The following PLCL2 variants were observed in gnomAD, a reference collection of about 807,000 sequenced individuals.
PLCL2 encodes the protein inactive phospholipase C-like protein 2.
Under a neutral mutation model 79.6 loss-of-function variants are expected in PLCL2, and 4 were observed. That is an observed-to-expected ratio of 0.05 (90% CI 0.02 to 0.11). The LOEUF (loss-of-function observed/expected upper bound fraction) is 0.11. Ranked by LOEUF, PLCL2 falls within the 10% of genes least tolerant of loss-of-function variation. PLCL2 has a pLI of 1.00. For missense variants in PLCL2, 895 were observed against 1,291.0 expected, an observed-to-expected ratio of 0.69 and a Z score of 4.70; for synonymous variants, 484 against 457.7, an observed-to-expected ratio of 1.06 and a Z score of -0.73.
rs1005791654 is a variant in PLCL2, at chr3:16,914,424, A to G, written c.327+29058A>G. On this transcript the variant is annotated intron_variant, in intron 1 of 5. Transcript: ENST00000615277. ...AAGTTTTCAAAAGATGTATTTCTCAAATTCATCTGTCATTAAAATTAGTAT... is the reference window on the plus strand; with the variant it reads ...AAGTTTTCAAAAGATGTATTTCTCAGATTCATCTGTCATTAAAATTAGTAT... 3.9e-5 allele frequency among the ~76,000 whole-genome samples: 6 copies of G among 152,152 alleles called. No individual in the cohort carries two copies. In the South Asian group the frequency reaches 1.2e-3, roughly 31 times the overall value.
At chr3:16,936,143 A>C (rs538146524) in intron 1 of PLCL2, among the ~76,000 whole-genome samples, 178 of 152,320 alleles carry the variant, frequency 1.2e-3, no homozygotes, top group African/African-American at 4.0e-3. Flanking sequence ...GACTTAAGGA[A>C]TCTTAGGAAA....
chr3:17,016,253 C>T (rs1163365322), intron 3 of PLCL2, among the ~76,000 whole-genome samples: 2 of 152,102 alleles, frequency 1.3e-5, no homozygotes, highest in Non-Finnish European at 2.9e-5. Context: ...TCTAGAAGTA[C>T]AAGTCAGAAG....
chr3:16,993,027 C>T (rs561860206), intron 1 of PLCL2, among the ~76,000 whole-genome samples: 9 of 152,274 alleles, frequency 5.9e-5, no homozygotes, highest in East Asian at 5.8e-4. Flanking sequence ...GTGAAGCCTA[C>T]GAGTTGAAAG....
At chr3:17,056,531 G>T (rs755912767) in intron 4 of PLCL2, among the ~76,000 whole-genome samples, 4 of 152,070 alleles carry the variant, frequency 2.6e-5, no homozygotes, top group Non-Finnish European at 5.9e-5. Context: ...ACAGTATTTG[G>T]AGATAAACTT....
rs1326828194 is a variant in PLCL2, at chr3:16,886,565, AC to A, written c.327+1200del. On this transcript the variant is annotated intron_variant, in intron 1 of 5. Transcript: ENST00000615277. This position sits in a 1 kb window ranked among gnomAD's most constrained non-coding sequence, Gnocchi z 4.2. ...ACTCTATGTAAGAGGCAATTGTGAAACTGCATTTCCCTTTGTCATCTGTTTG... is the reference window on the plus strand; with the variant it reads ...ACTCTATGTAAGAGGCAATTGTGAAATGCATTTCCCTTTGTCATCTGTTTG... Among the ~76,000 whole-genome samples the A allele has an allele frequency of 2.0e-5, 3 of 152,240 alleles. No homozygotes were observed. The highest frequency in any genetic ancestry group is 3.8e-4 in the East Asian group (2 of 5,204).
At chr3:16,953,774 T>A (rs1453682983) in intron 1 of PLCL2, among the ~76,000 whole-genome samples, 1 of 152,128 alleles carries the variant, frequency 6.6e-6, no homozygotes, top group Non-Finnish European at 1.5e-5. Flanking sequence ...GTTTTTTTTT[T>A]AATCAAACAT....
intron 1 of PLCL2, among the ~76,000 whole-genome samples, chr3:16,941,367 G>A (rs1697679549): frequency 6.6e-6 from 1 of 152,024 alleles, no homozygotes; most frequent in Admixed American, 6.6e-5. Context: ...TAGCCAGAGT[G>A]ATTTCTGGAA....
intron 1 of PLCL2, among the ~76,000 whole-genome samples, chr3:16,915,182 T>C (rs2124930478): frequency 6.6e-6 from 1 of 152,350 alleles, no homozygotes; most frequent in East Asian, 1.9e-4. Context: ...TAACATAAGC[T>C]GAGCAATGCA....
At chr3:16,996,844 A>C (rs1425964521) in intron 1 of PLCL2, among the ~76,000 whole-genome samples, 1 of 152,206 alleles carries the variant, frequency 6.6e-6, no homozygotes, top group East Asian at 1.9e-4. Flanking sequence ...TAAATATTAT[A>C]GATAAAACAG....
chr3:16,979,683 G>A (rs1366320400), intron 1 of PLCL2, among the ~76,000 whole-genome samples: 1 of 144,412 alleles, frequency 6.9e-6, no homozygotes, highest in African/African-American at 2.6e-5. Flanking sequence ...GGATCCCAAG[G>A]CAGAAGAATT....
chr3:16,987,229 T>C (rs1419472745), intron 1 of PLCL2, among the ~76,000 whole-genome samples: 2 of 152,138 alleles, frequency 1.3e-5, no homozygotes, highest in East Asian at 3.9e-4. Flanking sequence ...GTCTGTCAGG[T>C]GTTAATGACA....
chr3:16,889,903 C>T (rs989171555), intron 1 of PLCL2, among the ~76,000 whole-genome samples: 2 of 152,012 alleles, frequency 1.3e-5, no homozygotes, highest in South Asian at 4.1e-4. Flanking sequence ...ACAAAGATAC[C>T]GCATGCCCAG....
intron 3 of PLCL2, chr3:17,042,663 A>G (rs2064737273): frequency 6.2e-6 from 3 of 484,576 alleles, no homozygotes; most frequent in Admixed American, 6.7e-5. Context: ...CTTGGAAAGT[A>G]ATACTATTCA....
At position 17,087,392 on chromosome 3, in the gene PLCL2, A is replaced by G. The variant is rs2124960049; in HGVS notation, c.3205-2341A>G. The stretch of plus-strand genomic sequence containing the variant: ...AAATTTAAATGCATATTACTAAGCG[A>G]AAGAAGCCAATCCAAAAAGGCTACA... On this transcript the variant is annotated intron_variant, in intron 5 of 5. Transcript: ENST00000615277. 1.3e-5 allele frequency among the ~76,000 whole-genome samples: 2 copies of G among 152,380 alleles called. 1 individual carries two copies. The highest frequency in any genetic ancestry group is 6.8e-3 in the Middle Eastern group (2 of 294).
chr3:16,964,270 G>C (rs2063783905), intron 1 of PLCL2, among the ~76,000 whole-genome samples: 1 of 150,594 alleles, frequency 6.6e-6, no homozygotes, highest in South Asian at 2.1e-4. Flanking sequence ...AACATGCGGT[G>C]TTTGGTTTTC....
intron 4 of PLCL2, among the ~76,000 whole-genome samples, chr3:17,055,542 A>G (rs1244116654): frequency 6.6e-6 from 1 of 152,228 alleles, no homozygotes; most frequent in East Asian, 1.9e-4. Flanking sequence ...TTCCCACATC[A>G]TATATTCACA....
At chr3:16,977,151 A>G (rs1047183113) in intron 1 of PLCL2, among the ~76,000 whole-genome samples, 1 of 152,350 alleles carries the variant, frequency 6.6e-6, no homozygotes, top group Middle Eastern at 3.4e-3. Context: ...ACGTATATAT[A>G]CACACATATA....
chr3:16,970,914 T>A (rs2124978802), intron 1 of PLCL2, among the ~76,000 whole-genome samples: 1 of 151,998 alleles, frequency 6.6e-6, no homozygotes, highest in South Asian at 2.1e-4. Flanking sequence ...GGGTTGTTTG[T>A]TTTTTTCTTG....
intron 1 of PLCL2, among the ~76,000 whole-genome samples, chr3:16,969,539 T>C (rs2124977378): frequency 6.6e-6 from 1 of 152,242 alleles, no homozygotes; most frequent in South Asian, 2.1e-4. Flanking sequence ...GAGGTTTTCA[T>C]AGTAGTCTCT....
Sources: gnomAD v4.1 joint callset for allele counts (sites outside exome capture counted in the v4.1 genomes callset) on GRCh38, gnomAD v4.1.1 for gene constraint, Gnocchi (gnomAD v3.1) non-coding constraint, MANE v1.5 for transcripts, NCBI Gene and HGNC (gene_info 2026-07-23, HGNC 2026-07-21) for gene names.